CSMD1: variants seen among roughly 807,000 people sequenced by gnomAD.
CSMD1 encodes CUB and Sushi multiple domains 1, also known as CUB and sushi domain-containing protein 1.
CSMD1 carries 213 observed loss-of-function variants against 417.5 expected under a neutral mutation model. The ratio of observed to expected loss-of-function variants is 0.51; its 90% CI spans 0.46 to 0.57. The LOEUF (loss-of-function observed/expected upper bound fraction) is 0.57, where lower values mean the gene tolerates loss of function less well. Among genes scored for constraint, CSMD1 ranks in the 20% least tolerant of loss-of-function variants. CSMD1 has a pLI of 0.00. For missense variants in CSMD1, 6,923 were observed against 4,529.7 expected (o/e 1.53, Z -15.17); for synonymous variants, 2,862 against 1,736.8 (o/e 1.65, Z -16.11).
chr8:3,635,743 G>C (rs1180636008), intron 7 of CSMD1, among the ~76,000 whole-genome samples: 1 of 134,628 alleles, frequency 7.4e-6, no homozygotes, highest in Non-Finnish European at 1.5e-5. Context: ...TCGGCCTCCC[G>C]AAGTGCTGGG....
At chr8:4,678,054 T>C (rs1418670565) in intron 1 of CSMD1, among the ~76,000 whole-genome samples, 3 of 151,992 alleles carry the variant, frequency 2.0e-5, no homozygotes, top group Non-Finnish European at 4.4e-5. Flanking sequence ...ACAGCACACA[T>C]GGACACACAC....
chr8:4,866,498 C>T (rs975447370), intron 1 of CSMD1, among the ~76,000 whole-genome samples: 1 of 151,736 alleles, frequency 6.6e-6, no homozygotes, highest in Non-Finnish European at 1.5e-5. Flanking sequence ...CTACTTTATG[C>T]TAGGTACTTT....
At chr8:3,342,119 T>G (rs1025014856) in intron 23 of CSMD1, among the ~76,000 whole-genome samples, 1 of 152,256 alleles carries the variant, frequency 6.6e-6, no homozygotes, top group Non-Finnish European at 1.5e-5. Flanking sequence ...ATTTACTCAG[T>G]CTTTTCAATG....
At position 3,308,324 on chromosome 8, in the gene CSMD1, G is replaced by A. The variant is rs1289320874; in HGVS notation, c.3811C>T (p.Pro1271Ser). ...CTTCCACACTCACCTATGCACGAAG[G>A]TAGTGGTTTGTCCCACACTCTCCTG... The part of the protein sequence containing the change: ...GDRRVWDKPL[P>S]SCIAECGGQI... The change falls in exon 24 of 70, where the codon CCT (proline) becomes TCT (serine). Residue 1271 changes from proline to serine, a missense_variant. Pro to Ser is a moderately conservative substitution (Grantham distance 74). Transcript: ENST00000635120. The A allele has an allele frequency of 6.2e-7, 1 of 1,610,164 alleles. No homozygotes were observed. Among genetic ancestry groups the A allele is most frequent in the African/African-American group, 1.3e-5 (1 of 74,976 alleles).
chr8:3,318,627 T>C (rs1805942579), intron 23 of CSMD1, among the ~76,000 whole-genome samples: 1 of 152,214 alleles, frequency 6.6e-6, no homozygotes, highest in Non-Finnish European at 1.5e-5. Context: ...AAGCATGGTT[T>C]TGCCCTTTGG....
rs371491029 is a variant in CSMD1, at chr8:4,448,751, A to G, written c.303-28686T>C. On this transcript the variant is annotated intron_variant, in intron 2 of 69. Transcript: ENST00000635120. ...TCACTTTTGAATTTTTCTGAATGAC[A>G]TAATGACAACCATATTTAAGGCTTT... is the stretch of plus-strand genomic sequence containing the variant. Among the ~76,000 whole-genome samples, 3 of 152,208 alleles carry G rather than the reference A, an allele frequency of 2.0e-5. No individual in the cohort carries two copies. The South Asian group carries it at 6.2e-4, about 32-fold the overall frequency.
At chr8:4,508,386 G>A (rs537190138) in intron 2 of CSMD1, among the ~76,000 whole-genome samples, 121 of 152,174 alleles carry the variant, frequency 8.0e-4, no homozygotes, top group African/African-American at 2.8e-3. Flanking sequence ...TGTTAATTTT[G>A]ATATTGAATT....
chr8:4,131,169 G>C (rs543113342), intron 3 of CSMD1, among the ~76,000 whole-genome samples: 2 of 152,136 alleles, frequency 1.3e-5, no homozygotes, highest in Admixed American at 6.5e-5. Context: ...AAAAGACTGA[G>C]AGTAGTACAT....
At chr8:3,953,506 C>G (rs1811723351) in intron 5 of CSMD1, among the ~76,000 whole-genome samples, 1 of 152,100 alleles carries the variant, frequency 6.6e-6, no homozygotes, top group Non-Finnish European at 1.5e-5. Context: ...GGGGGTTTCA[C>G]TGGGAAAAGA....
At chr8:4,767,614 C>A (rs904900244) in intron 1 of CSMD1, among the ~76,000 whole-genome samples, 7 of 152,156 alleles carry the variant, frequency 4.6e-5, no homozygotes, top group Non-Finnish European at 1.0e-4. Flanking sequence ...GGACCTGCGA[C>A]CTGCTATTAC....
At chr8:4,467,267 G>A (rs887789119) in intron 2 of CSMD1, among the ~76,000 whole-genome samples, 25 of 151,966 alleles carry the variant, frequency 1.6e-4, no homozygotes, top group African/African-American at 4.6e-4. Flanking sequence ...ACTTCAATTC[G>A]TGTTCAATTA....
chr8:4,590,078 T>C (rs1799908363), intron 2 of CSMD1, among the ~76,000 whole-genome samples: 1 of 152,234 alleles, frequency 6.6e-6, no homozygotes, highest in Non-Finnish European at 1.5e-5. Flanking sequence ...TAACATGTAT[T>C]TATGAAATCT....
chr8:3,357,333 A>G (rs1416289656), intron 21 of CSMD1, among the ~76,000 whole-genome samples: 1 of 152,170 alleles, frequency 6.6e-6, no homozygotes, highest in Non-Finnish European at 1.5e-5. Flanking sequence ...CAAAGTTTGT[A>G]GAGTCTTTTT....
chr8:3,307,452 T>C (rs1584969324), intron 25 of CSMD1, among the ~76,000 whole-genome samples: 3 of 152,296 alleles, frequency 2.0e-5, no homozygotes, highest in South Asian at 4.2e-4. Context: ...GGATAGTTTG[T>C]TATGCAGCAG....
chr8:4,889,110 T>C (rs1011491246), intron 1 of CSMD1, among the ~76,000 whole-genome samples: 1 of 152,102 alleles, frequency 6.6e-6, no homozygotes, highest in Admixed American at 6.5e-5. Context: ...ATATGTGCAA[T>C]GTCCGAAAGT....
chr8:4,691,287 T>C (rs1806753694), intron 1 of CSMD1, among the ~76,000 whole-genome samples: 1 of 152,192 alleles, frequency 6.6e-6, no homozygotes, highest in Non-Finnish European at 1.5e-5. Flanking sequence ...AGTGTGAATT[T>C]CAGCTGTAAG....
chr8:3,940,618 G>A (rs1810815742), intron 5 of CSMD1, among the ~76,000 whole-genome samples: 1 of 151,260 alleles, frequency 6.6e-6, no homozygotes, highest in African/African-American at 2.4e-5. Flanking sequence ...CCACAACACT[G>A]CCAATCAATA....
At chr8:4,606,224 G>C (rs767430086) in intron 2 of CSMD1, among the ~76,000 whole-genome samples, 1 of 152,174 alleles carries the variant, frequency 6.6e-6, no homozygotes, top group Non-Finnish European at 1.5e-5. Context: ...CTAAGAGTTG[G>C]AAGGAGAAAA....
chr8:4,965,955 C>T (rs1262114306), intron 1 of CSMD1, among the ~76,000 whole-genome samples: 1 of 152,084 alleles, frequency 6.6e-6, no homozygotes, highest in East Asian at 1.9e-4. Flanking sequence ...CATGTGTGAG[C>T]ATAACTCAAG....
Sources: allele counts gnomAD v4.1 joint callset (sites outside exome capture counted in the v4.1 genomes callset), GRCh38; gene constraint gnomAD v4.1.1; transcripts MANE v1.5; gene names NCBI Gene and HGNC (gene_info 2026-07-23, HGNC 2026-07-21).